Variants in ITGA8 observed in about 807,000 individuals in gnomAD.
ITGA8 encodes the protein integrin subunit alpha 8, also known as integrin alpha-8.
In ITGA8, 91 loss-of-function variants were observed where a neutral mutation model predicts 142.3. The ratio of observed to expected loss-of-function variants is 0.64; its 90% CI spans 0.54 to 0.76. ITGA8 has a LOEUF of 0.76. Among genes scored for constraint, ITGA8 ranks in the 30% least tolerant of loss-of-function variants. The probability of loss-of-function intolerance (pLI) is 0.00; values close to 1 mark genes in which losing one functional copy is unlikely to be tolerated. For synonymous variants in ITGA8, 505 were observed against 485.2 expected, an observed-to-expected ratio of 1.04 and a Z score of -0.54; for missense variants, 1,406 against 1,327.7, an observed-to-expected ratio of 1.06 and a Z score of -0.92.
chr10:15,535,102 T>G (rs1833397423), intron 27 of ITGA8, among the ~76,000 whole-genome samples: 2 of 152,142 alleles, frequency 1.3e-5, no homozygotes, highest in African/African-American at 4.8e-5. Flanking sequence ...GTAGGTGTGC[T>G]GGGTCCCCCA....
chr10:15,702,539 C>T (rs1340977775), intron 2 of ITGA8, among the ~76,000 whole-genome samples: 1 of 152,170 alleles, frequency 6.6e-6, no homozygotes, highest in East Asian at 1.9e-4. Flanking sequence ...GATTCACCCA[C>T]CTCGGCCTCC....
Position 15,531,119 on chromosome 10 carries a change from C to G in ITGA8, c.2913G>C (p.Leu971=), listed in dbSNP as rs374926293. The change falls in exon 28 of 30, where the codon CTG becomes CTC. Residue 971 remains leucine (L), a synonymous_variant. Transcript: ENST00000378076. ...RKNDPYALAS[L]VSFEVKKMPY... is the part of the protein sequence containing the mutation. ...GCATCTTCTTAACTTCAAAGGACAC[C>G]AGGGATGCAAGAGCATAGGGATCAT... The G allele has an allele frequency of 9.6e-6, 15 of 1,569,368 alleles. No homozygotes were observed. Among genetic ancestry groups the G allele is most frequent in the Admixed American group, 5.8e-5 (3 of 51,856 alleles).
intron 26 of ITGA8, among the ~76,000 whole-genome samples, chr10:15,549,432 C>T (rs949635539): frequency 6.6e-6 from 1 of 151,862 alleles, no homozygotes; most frequent in African/African-American, 2.4e-5. Flanking sequence ...GCTGGTCTCG[C>T]ACTCCTGACC....
chr10:15,665,975 G>A (rs1834383659), intron 8 of ITGA8, among the ~76,000 whole-genome samples: 1 of 152,216 alleles, frequency 6.6e-6, no homozygotes, highest in African/African-American at 2.4e-5. Context: ...TGTTCTTTTG[G>A]TTTAGGATTG....
chr10:15,691,747 A>G (rs1834938362), intron 2 of ITGA8, among the ~76,000 whole-genome samples: 1 of 152,198 alleles, frequency 6.6e-6, no homozygotes, highest in African/African-American at 2.4e-5. Flanking sequence ...ACAAAGTTTC[A>G]GTTGGGATGA....
chr10:15,664,860 G>A (rs1482761526), intron 8 of ITGA8, among the ~76,000 whole-genome samples: 1 of 151,944 alleles, frequency 6.6e-6, no homozygotes, highest in Non-Finnish European at 1.5e-5. Context: ...CCTTTTTATG[G>A]CTGCATAGTA....
chr10:15,565,251 G>A lies in ITGA8; in HGVS notation c.2637+6960C>T, dbSNP rs111859761. ...CTAGGACAGACTGACCAGGTCCAGG[G>A]GCAAGCCATAGATGTCACTAGTACG... On this transcript the variant is annotated intron_variant, in intron 25 of 29. Transcript: ENST00000378076. Among the ~76,000 whole-genome samples, 821 of 152,270 alleles carry A rather than the reference G, an allele frequency of 5.4e-3. 10 individuals are homozygous for A. The highest frequency in any genetic ancestry group is 0.019 in the African/African-American group (790 of 41,546).
At chr10:15,532,431 A>AAAAAAAAAAG (rs1398247448) in intron 27 of ITGA8, among the ~76,000 whole-genome samples, 2,579 of 139,054 alleles carry the variant, frequency 0.019, 87 homozygotes, top group African/African-American at 0.03. Flanking sequence ...AAAAAAAAAA[A>AAAAAAAAAAG]AAAAAAAAAA....
intron 8 of ITGA8, among the ~76,000 whole-genome samples, chr10:15,666,511 T>A (rs991811311): frequency 5.9e-5 from 9 of 152,204 alleles, no homozygotes; most frequent in Non-Finnish European, 1.3e-4. Flanking sequence ...ACTCTTTATT[T>A]CCTTCTCCTG....
At chr10:15,625,466 GC>G (rs35766493) in intron 13 of ITGA8, among the ~76,000 whole-genome samples, 62,204 of 151,494 alleles carry the variant, frequency 0.41, 13,120 homozygotes, top group South Asian at 0.63. Flanking sequence ...ATTGCTGAAA[GC>G]CCTGGAGGAA....
At chr10:15,647,665 T>C (rs994236301) in intron 11 of ITGA8, among the ~76,000 whole-genome samples, 5 of 151,232 alleles carry the variant, frequency 3.3e-5, no homozygotes, top group Non-Finnish European at 7.4e-5. Flanking sequence ...GGTTTCACCT[T>C]GTTAGCCAGG....
Position 15,566,614 on chromosome 10 carries a change from C to G in ITGA8, c.2637+5597G>C, listed in dbSNP as rs1834085555. 2.6e-5 allele frequency among the ~76,000 whole-genome samples: 4 copies of G among 151,900 alleles called. No homozygotes were observed. In the South Asian group the frequency reaches 8.4e-4, roughly 32 times the overall value. On this transcript the variant is annotated intron_variant, in intron 25 of 29. Coordinates refer to ENST00000378076, the MANE Select transcript of ITGA8 (RefSeq NM_003638.3). ...TTGCCTGAGCTCAGGAGTTTGAGAC[C>G]AGCCTTGGCAACATGGTGAAACCGC... is the stretch of plus-strand genomic sequence containing the variant.
rs1339572273 is a variant in ITGA8 at position 15,606,309 on chromosome 10, G to A, written c.1878C>T (p.Tyr626=). 1.9e-6 allele frequency: 3 copies of A among 1,611,296 alleles called. No individual in the cohort carries two copies. Among genetic ancestry groups the A allele is most frequent in the East Asian group, 2.2e-5 (1 of 44,810 alleles). ...CCTGTTCACTAACAATGTTTTCTCT[G>A]TAGTAGTTCAATATTGGTTTCACTT... ...GLEVKPILNY[Y]RENIVSEQAH... is the part of the protein sequence containing the mutation. Residue 626 remains tyrosine (Y), a synonymous_variant, in exon 18 of 30, where the codon TAC becomes TAT. Coordinates refer to ENST00000378076, the MANE Select transcript of ITGA8 (RefSeq NM_003638.3).
At chr10:15,686,189 A>G (rs1450092295) in intron 3 of ITGA8, among the ~76,000 whole-genome samples, 2 of 152,178 alleles carry the variant, frequency 1.3e-5, no homozygotes, top group Non-Finnish European at 2.9e-5. Context: ...AATTTGGCCC[A>G]ATGTATAACT....
At chr10:15,643,310 C>A (rs1833903159) in intron 13 of ITGA8, among the ~76,000 whole-genome samples, 2 of 152,146 alleles carry the variant, frequency 1.3e-5, no homozygotes. Flanking sequence ...GAGACAGTCT[C>A]ACTCTGTCGC....
intron 27 of ITGA8, among the ~76,000 whole-genome samples, chr10:15,541,564 T>C (rs554934090): frequency 6.6e-6 from 1 of 152,340 alleles, no homozygotes; most frequent in African/African-American, 2.4e-5. Flanking sequence ...TCATTTTAAA[T>C]AGACAAGGAC....
chr10:15,663,711 C>G (rs927374280), intron 8 of ITGA8, among the ~76,000 whole-genome samples: 2 of 151,960 alleles, frequency 1.3e-5, no homozygotes. Flanking sequence ...TAAGCTGGGA[C>G]TACAGGTGCA....
intron 2 of ITGA8, among the ~76,000 whole-genome samples, chr10:15,715,757 T>TGG (rs904079982): frequency 6.6e-6 from 1 of 152,252 alleles, no homozygotes; most frequent in Non-Finnish European, 1.5e-5. Context: ...GTCCACGAAG[T>TGG]GGATGTTCAG....
chr10:15,548,499 C>G lies in ITGA8; in HGVS notation c.2836G>C (p.Val946Leu). 2 of 1,602,906 alleles carry G rather than the reference C, an allele frequency of 1.2e-6. No homozygotes were observed. Among genetic ancestry groups the G allele is most frequent in the Non-Finnish European group, 1.7e-6 (2 of 1,177,076 alleles). ...CATAATCGTGACCTGACTTTCAGGA[C>G]TGCGCTTTCTCCTCCTTCGAGTCGT... Reference protein sequence around the residue: ...VGRLEGGESAVLKVRSRLWAH... With the variant: ...VGRLEGGESALLKVRSRLWAH... Residue 946 changes from valine (V) to leucine (L), a missense_variant, in exon 27 of 30, where the codon GTC becomes CTC. Physicochemically the swap from Val to Leu is conservative, Grantham distance 32. Coordinates refer to ENST00000378076, the MANE Select transcript of ITGA8 (RefSeq NM_003638.3).
Sources: allele counts gnomAD v4.1 joint callset (sites outside exome capture counted in the v4.1 genomes callset), GRCh38; gene constraint gnomAD v4.1.1; transcripts MANE v1.5; gene names NCBI Gene and HGNC (gene_info 2026-07-23, HGNC 2026-07-21).